Variants in ZNF668 observed in about 807,000 individuals in gnomAD.
ZNF668 encodes zinc finger protein 668.
Under a neutral mutation model 40.3 loss-of-function variants are expected in ZNF668, and 10 were observed. The observed-to-expected ratio is 0.25, with a 90% CI of 0.15 to 0.42. The LOEUF (loss-of-function observed/expected upper bound fraction) is 0.42, where lower values mean the gene tolerates loss of function less well. ZNF668 is among the 10% of genes least tolerant of loss of function. ZNF668 has a pLI of 1.00. For synonymous variants in ZNF668, 428 were observed against 384.6 expected (o/e 1.11, Z -1.32); for missense variants, 749 against 904.6 (o/e 0.83, Z 2.21).
chr16:31,068,113 T>TA, intron 1 of ZNF668, among the ~76,000 whole-genome samples: 1 of 150,064 alleles, frequency 6.7e-6, no homozygotes, highest in South Asian at 2.1e-4. Flanking sequence ...CCTCCTCCCA[T>TA]GGCACTTCCC....
chr16:31,063,503 C>G (rs1202790877), intron 2 of ZNF668, among the ~76,000 whole-genome samples: 1 of 152,068 alleles, frequency 6.6e-6, no homozygotes, highest in Non-Finnish European at 1.5e-5. Context: ...AGGCCCCACT[C>G]ACACCTCCTG....
In ZNF668 at chr16:31,063,905, C is replaced by G; in HGVS notation, c.555G>C (p.Lys185Asn). ...KSFADPSVFR[K>N]HRRTHAGLRP... ...GCAGGCCAGCGTGAGTACGCCGGTGCTTGCGGAACACTGAAGGGTCAGCAA... is the reference window on the plus strand; with the variant it reads ...GCAGGCCAGCGTGAGTACGCCGGTGGTTGCGGAACACTGAAGGGTCAGCAA... Residue 185 changes from lysine to asparagine, a missense_variant, in exon 2 of 3, where the codon AAG becomes AAC. Lys to Asn is a moderately conservative substitution (Grantham distance 94). This residue lies in a region of ZNF668 where 151 missense variants were observed against 178.6 expected (regional missense o/e 0.85). Transcript: ENST00000300849. 6.3e-7 allele frequency: 1 copy of G among 1,595,062 alleles called. No individual in the cohort carries two copies. Among genetic ancestry groups the G allele is most frequent in the Non-Finnish European group, 8.5e-7 (1 of 1,171,410 alleles).
At chr16:31,066,286 C>T in intron 1 of ZNF668, 1 of 985,482 alleles carries the variant, frequency 1.0e-6, no homozygotes, top group Non-Finnish European at 1.2e-6. Context: ...AAGTCCTTCA[C>T]TGGAGCCCCA....
At chr16:31,063,769 TCGCCCTGCCCCGGAAGG>T (rs751996983) in intron 2 of ZNF668, 27 bp downstream of exon 2, 211 of 1,484,514 alleles carry the variant, frequency 1.4e-4, no homozygotes, top group African/African-American at 4.0e-4. Context: ...AGCAACGCTG[TCGCCCTGCCCCGGAAGG>T]CGCCCTGCCC....
intron 1 of ZNF668, among the ~76,000 whole-genome samples, chr16:31,070,253 G>T (rs1436739317): frequency 6.7e-6 from 1 of 149,982 alleles, no homozygotes; most frequent in Non-Finnish European, 1.5e-5. Context: ...TGTCCCCCAG[G>T]CTGGAGTGCA....
chr16:31,067,467 C>T (rs1484556101), intron 1 of ZNF668, among the ~76,000 whole-genome samples: 2 of 152,166 alleles, frequency 1.3e-5, no homozygotes, highest in Non-Finnish European at 2.9e-5. Context: ...TTGCCTCCAT[C>T]ACTTCCCAGC....
rs1325029614 is a variant in ZNF668 at position 31,064,842 on chromosome 16, TAA to T, written c.-22-363_-22-362del. On this transcript the variant is annotated intron_variant, in intron 1 of 2. Coordinates refer to ENST00000300849, the MANE Select transcript of ZNF668 (RefSeq NM_024706.5). ...TCAGTGTCCAAGAACTATGCCAGGA[TAA>T]AGAGTGTACCCAGACGTGGGCCTGG... The T allele has an allele frequency of 3.5e-6, 5 of 1,444,150 alleles. No homozygotes were observed. The Admixed American group carries it at 8.2e-5, about 24-fold the overall frequency. 89.5% of individuals were successfully genotyped at this position (1,444,150 alleles called of 1,614,324 possible).
chr16:31,073,371 A>G (rs1019715266), intron 1 of ZNF668: 1 of 152,162 alleles, frequency 6.6e-6, no homozygotes, highest in Non-Finnish European at 1.5e-5. Flanking sequence ...CAAAAACCCA[A>G]AACATGGCGG....
chr16:31,062,413 G>A, intron 2 of ZNF668, 133 bp from the exon 3 acceptor site: 1 of 1,282,402 alleles, frequency 7.8e-7, no homozygotes, highest in Non-Finnish European at 1.0e-6. Context: ...GAGCCACATG[G>A]CTGCACCCCA....
At position 31,060,996 on chromosome 16, in the gene ZNF668, G is replaced by A; in HGVS notation, c.*72C>T. ...ATCTGGAGTCTAAAGAGCAGAGCCAGGCAAAAGGAGGTACAGGAAGCCCCC... is the reference window on the plus strand; with the variant it reads ...ATCTGGAGTCTAAAGAGCAGAGCCAAGCAAAAGGAGGTACAGGAAGCCCCC... On this transcript the variant is annotated 3_prime_UTR_variant, in exon 3 of 3. Transcript: ENST00000300849. 1 of 1,405,938 alleles carries A rather than the reference G, an allele frequency of 7.1e-7. No homozygotes were observed. The highest frequency in any genetic ancestry group is 9.3e-7 in the Non-Finnish European group (1 of 1,075,352). The allele number at this position is 1,405,938 out of a possible 1,614,324, so 87.1% of individuals were successfully genotyped here. A position where few individuals can be genotyped will look rare whatever the true frequency, so the allele number is the denominator to read the frequency against.
chr16:31,067,859 G>A (rs1460072665), intron 1 of ZNF668, among the ~76,000 whole-genome samples: 3 of 152,166 alleles, frequency 2.0e-5, no homozygotes, highest in African/African-American at 7.2e-5. Flanking sequence ...GGCCTCTTAC[G>A]CTTGTCTGCT....
intron 1 of ZNF668, among the ~76,000 whole-genome samples, chr16:31,069,736 C>A (rs569251473): frequency 5.3e-4 from 79 of 149,588 alleles, no homozygotes; most frequent in Admixed American, 7.3e-4. Flanking sequence ...TCCTAAGTAG[C>A]TGGGACTACA....
chr16:31,061,342 G>T lies in ZNF668; in HGVS notation c.1586C>A (p.Thr529Lys). The T allele has an allele frequency of 6.2e-7, 1 of 1,608,534 alleles. No individual in the cohort carries two copies. Among genetic ancestry groups the T allele is most frequent in the Non-Finnish European group, 8.5e-7 (1 of 1,176,650 alleles). Residue 529 changes from threonine to lysine, a missense_variant, in exon 3 of 3, where the codon ACG becomes AAG. Physicochemically the swap from Thr to Lys is moderately conservative, Grantham distance 78. Around this residue, in one of 4 missense-constraint regions of ZNF668, gnomAD observed 310 missense variants for 355.1 expected, o/e 0.87. Coordinates refer to ENST00000300849, the MANE Select transcript of ZNF668 (RefSeq NM_024706.5). This position sits in a 1 kb window ranked among gnomAD's most constrained non-coding sequence, Gnocchi z 7.7. ...RECKETFSTM[T>K]LLRRHERSHP... ...TGAGCGCTCGTGCCGACGCAGCAGC[G>T]TCATTGTGGAGAAGGTCTCCTTGCA... is the stretch of plus-strand genomic sequence containing the variant.
chr16:31,070,409 T>C (rs1181793483), intron 1 of ZNF668, among the ~76,000 whole-genome samples: 1 of 151,166 alleles, frequency 6.6e-6, no homozygotes, highest in Non-Finnish European at 1.5e-5. Flanking sequence ...GATTTCACCA[T>C]GTTGGCCAGG....
At chr16:31,070,915 G>A (rs2057012346) in intron 1 of ZNF668, among the ~76,000 whole-genome samples, 1 of 151,986 alleles carries the variant, frequency 6.6e-6, no homozygotes, top group Non-Finnish European at 1.5e-5. Flanking sequence ...AGGCTGGAGT[G>A]CAATGGTGTG....
Position 31,061,533 on chromosome 16 carries a change from C to T in ZNF668, c.1395G>A (p.Glu465=). The T allele has an allele frequency of 6.2e-7, 1 of 1,611,646 alleles. No individual in the cohort carries two copies. The highest frequency in any genetic ancestry group is 2.2e-5 in the East Asian group (1 of 44,864). Reference sequence around the variant, plus strand: ...ACTGTGTGGCCATCACACCACCTGACTCCGGGGGCAGCCCTAGCAGCCCTG... The same window carrying T: ...ACTGTGTGGCCATCACACCACCTGATTCCGGGGGCAGCCCTAGCAGCCCTG... ...PPAGLLGLPP[E]SGGVMATQWQ... The change falls in exon 3 of 3, where the codon GAG becomes GAA. Residue 465 remains glutamate, a synonymous_variant. Transcript: ENST00000300849. The surrounding 1 kb of genome is among the most constrained non-coding windows in gnomAD (Gnocchi z 7.7).
rs2056989717 is a variant in ZNF668, at chr16:31,068,070, T to C, written c.-22-3589A>G. On this transcript the variant is annotated intron_variant, in intron 1 of 2. Transcript: ENST00000300849. ...CTCTGGGTCTCAGCCTTCCTATCTG[T>C]GAGTTAGACACCAGGTAGCTGGAGG... Among the ~76,000 whole-genome samples the C allele has an allele frequency of 2.0e-5, 3 of 151,328 alleles. No individual in the cohort carries two copies. In the South Asian group the frequency reaches 6.3e-4, roughly 32 times the overall value.
chr16:31,064,354 T>G lies in ZNF668; in HGVS notation c.106A>C (p.Arg36=). 1 of 1,613,982 alleles carries G rather than the reference T, an allele frequency of 6.2e-7. No homozygotes were observed. The highest frequency in any genetic ancestry group is 1.1e-5 in the South Asian group (1 of 91,088). Residue 36 remains arginine, a synonymous_variant, in exon 2 of 3, where the codon AGG becomes CGG. Coordinates refer to ENST00000300849, the MANE Select transcript of ZNF668 (RefSeq NM_024706.5). ...SCTKTFPNAP[R]AARHAATHGP... is the part of the protein sequence containing the mutation. ...TGTGTGGCAGCGTGGCGCGCTGCCC[T>G]GGGCGCGTTTGGAAATGTCTTGGTA...
chr16:31,068,239 A>AAAAAAAAAAT lies in ZNF668; in HGVS notation c.-22-3759_-22-3758insATTTTTTTTT, dbSNP rs1473353128. The stretch of plus-strand genomic sequence containing the variant: ...CACCATTAAAAAAAAAAAAAAAAAA[A>AAAAAAAAAAT]ATATATATATATATATATATATATA... On this transcript the variant is annotated intron_variant, in intron 1 of 2. Transcript: ENST00000300849. 4.3e-4 allele frequency among the ~76,000 whole-genome samples: 36 copies of AAAAAAAAAAT among 82,986 alleles called. 1 individual carries two copies. Among genetic ancestry groups the AAAAAAAAAAT allele is most frequent in the East Asian group, 1.1e-3 (3 of 2,752 alleles). 54.4% of individuals were successfully genotyped at this position (82,986 alleles called of 152,430 possible).
Sources: allele counts gnomAD v4.1 joint callset (sites outside exome capture counted in the v4.1 genomes callset), GRCh38; gene constraint gnomAD v4.1.1; regional missense constraint gnomAD v4.1.1; non-coding constraint Gnocchi (gnomAD v3.1); transcripts MANE v1.5; gene names NCBI Gene and HGNC (gene_info 2026-07-23, HGNC 2026-07-21).